The following CADPS2 variants were observed in gnomAD, a reference collection of about 807,000 sequenced individuals.
CADPS2 encodes the protein calcium-dependent secretion activator 2.
In CADPS2, 93 loss-of-function variants were observed where a neutral mutation model predicts 172.5. The ratio of observed to expected loss-of-function variants is 0.54; its 90% CI spans 0.46 to 0.64. CADPS2 has a LOEUF of 0.64. Ranked by LOEUF, CADPS2 falls within the 30% of genes least tolerant of loss-of-function variation. The pLI is 0.00. For missense variants in CADPS2, 1,420 were observed against 1,565.9 expected (o/e 0.91, Z 1.57); for synonymous variants, 546 against 555.2 (o/e 0.98, Z 0.23).
intron 1 of CADPS2, among the ~76,000 whole-genome samples, chr7:122,842,292 G>A (rs1229070390): frequency 6.6e-6 from 1 of 152,186 alleles, no homozygotes. Context: ...AAGCAGGACG[G>A]AGGAGGGTGG....
chr7:122,800,932 T>A (rs557594121), intron 1 of CADPS2, among the ~76,000 whole-genome samples: 1 of 150,540 alleles, frequency 6.6e-6, no homozygotes, highest in South Asian at 2.1e-4. Context: ...TGGAGATTTT[T>A]GGTGAGCCAA....
chr7:122,474,541 C>T, intron 12 of CADPS2, 24 bp from the exon 13 acceptor site: 1 of 1,605,294 alleles, frequency 6.2e-7, no homozygotes, highest in Non-Finnish European at 8.5e-7. Context: ...AAAGCATGTA[C>T]AGTATATTTA....
chr7:122,341,071 C>T (rs1026015260), intron 28 of CADPS2, among the ~76,000 whole-genome samples: 4 of 152,116 alleles, frequency 2.6e-5, no homozygotes, highest in Non-Finnish European at 4.4e-5. Flanking sequence ...GCAGAGATAT[C>T]CTCTGTTTAA....
At chr7:122,655,640 T>C (rs1231169025) in intron 3 of CADPS2, among the ~76,000 whole-genome samples, 1 of 152,148 alleles carries the variant, frequency 6.6e-6, no homozygotes, top group Non-Finnish European at 1.5e-5. Context: ...TATTGCAATA[T>C]TCACTTTGTG....
rs1251398211 is a variant in CADPS2 at position 122,645,442 on chromosome 7, TAC to T, written c.787-16116_787-16115del. Among the ~76,000 whole-genome samples, 540 of 98,760 alleles carry T rather than the reference TAC, an allele frequency of 5.5e-3. 9 individuals carry two copies. The highest frequency in any genetic ancestry group is 0.011 in the African/African-American group (324 of 28,790). The allele number at this position is 98,760 out of a possible 152,430, so 64.8% of individuals were successfully genotyped here. Reference sequence around the variant, plus strand: ...GTATATGTGTGTATATATGTATATATACACACACATATGTATATATGTGTATA... The same window carrying T: ...GTATATGTGTGTATATATGTATATATACACACATATGTATATATGTGTATA... On this transcript the variant is annotated intron_variant, in intron 3 of 29. Transcript: ENST00000449022.
intron 1 of CADPS2, among the ~76,000 whole-genome samples, chr7:122,796,702 C>A (rs901240036): frequency 6.6e-6 from 1 of 151,486 alleles, no homozygotes; most frequent in Non-Finnish European, 1.5e-5. Context: ...ATACCATATA[C>A]AAAAATTAAC....
chr7:122,595,590 C>G (rs1276156191), intron 6 of CADPS2, among the ~76,000 whole-genome samples: 1 of 152,064 alleles, frequency 6.6e-6, no homozygotes. Flanking sequence ...AGAGCAGTAA[C>G]GTGGAGGACT....
At position 122,490,146 on chromosome 7, in the gene CADPS2, A is replaced by C. The variant is rs773490729; in HGVS notation, c.1787T>G (p.Val596Gly). ...YRATGQSYKPVPAIQTQKLNP... is the reference protein window; with the variant it reads ...YRATGQSYKPGPAIQTQKLNP... ...CAGTTTCTGGGTTTGAATTGCAGGA[A>C]CTGGTTTATATGATTGACCTGTGGC... Residue 596 changes from valine (V) to glycine (G), a missense_variant, in exon 11 of 30, where the codon GTT becomes GGT. Val to Gly is a moderately radical substitution (Grantham distance 109). Transcript: ENST00000449022. 4 of 1,613,536 alleles carry C rather than the reference A, an allele frequency of 2.5e-6. No individual in the cohort carries two copies. The highest frequency in any genetic ancestry group is 3.4e-6 in the Non-Finnish European group (4 of 1,179,594).
chr7:122,442,592 A>G (rs973640718), intron 15 of CADPS2, among the ~76,000 whole-genome samples: 1 of 152,216 alleles, frequency 6.6e-6, no homozygotes, highest in Non-Finnish European at 1.5e-5. Flanking sequence ...TAATTTAAAC[A>G]TATTTCCCCC....
At chr7:122,664,478 G>T (rs2080968153) in intron 2 of CADPS2, among the ~76,000 whole-genome samples, 1 of 152,176 alleles carries the variant, frequency 6.6e-6, no homozygotes, top group African/African-American at 2.4e-5. Context: ...GAGACAGGTA[G>T]CAAGGGTTGG....
At chr7:122,385,137 A>C (rs767891848) in intron 24 of CADPS2, among the ~76,000 whole-genome samples, 1 of 152,042 alleles carries the variant, frequency 6.6e-6, no homozygotes, top group Non-Finnish European at 1.5e-5. Context: ...GGTAAATAGG[A>C]GCCACTGGTA....
intron 3 of CADPS2, among the ~76,000 whole-genome samples, chr7:122,651,372 TG>T (rs2079132050): frequency 6.6e-6 from 1 of 152,066 alleles, no homozygotes; most frequent in Non-Finnish European, 1.5e-5. Flanking sequence ...ATGTCCAAAA[TG>T]GTTAATGCCT....
At chr7:122,349,744 C>T (rs798679) in intron 27 of CADPS2, among the ~76,000 whole-genome samples, 54,885 of 151,948 alleles carry the variant, frequency 0.36, 10,228 homozygotes, top group East Asian at 0.51. Flanking sequence ...AAGATGAACA[C>T]GCTGTTTAAA....
At chr7:122,703,533 A>G (rs2086499206) in intron 2 of CADPS2, among the ~76,000 whole-genome samples, 1 of 152,144 alleles carries the variant, frequency 6.6e-6, no homozygotes, top group Non-Finnish European at 1.5e-5. Context: ...ATCTTCTGGT[A>G]AGAACCTACT....
chr7:122,343,632 C>T (rs1007881948), intron 28 of CADPS2, among the ~76,000 whole-genome samples: 13 of 152,188 alleles, frequency 8.5e-5, no homozygotes, highest in Non-Finnish European at 1.5e-4. Flanking sequence ...AGAAAGTTCA[C>T]CCATTCCCCT....
intron 28 of CADPS2, among the ~76,000 whole-genome samples, chr7:122,326,067 A>G (rs2033784383): frequency 7.4e-6 from 1 of 135,034 alleles, no homozygotes; most frequent in Non-Finnish European, 1.7e-5. Flanking sequence ...ATTTTAAAGT[A>G]GCGATGGCAA....
intron 17 of CADPS2, chr7:122,424,107 A>T (rs1243769118): frequency 6.5e-6 from 1 of 153,008 alleles, no homozygotes; most frequent in Non-Finnish European, 1.5e-5. Flanking sequence ...TAGCCTCCCG[A>T]TAGGTATTTA....
chr7:122,884,942 C>T (rs1304399723), intron 1 of CADPS2, among the ~76,000 whole-genome samples: 1 of 152,182 alleles, frequency 6.6e-6, no homozygotes, highest in Non-Finnish European at 1.5e-5. Flanking sequence ...TCTAAAAATG[C>T]CTCACACACT....
chr7:122,781,627 T>A (rs1792754849), intron 1 of CADPS2, among the ~76,000 whole-genome samples: 1 of 152,210 alleles, frequency 6.6e-6, no homozygotes, highest in Non-Finnish European at 1.5e-5. Flanking sequence ...CCTTTCTTAA[T>A]CTATCCTTTT....
Sources: gnomAD v4.1 joint callset for allele counts (sites outside exome capture counted in the v4.1 genomes callset) on GRCh38, gnomAD v4.1.1 for gene constraint, MANE v1.5 for transcripts, NCBI Gene and HGNC (gene_info 2026-07-23, HGNC 2026-07-21) for gene names.